The following TFRC variants were observed in gnomAD, a reference collection of about 807,000 sequenced individuals.
The protein encoded by TFRC is transferrin receptor protein 1.
A neutral mutation model predicts 85.8 loss-of-function variants in TFRC; 35 were observed. The ratio of observed to expected loss-of-function variants is 0.41; its 90% CI spans 0.31 to 0.54. The LOEUF (loss-of-function observed/expected upper bound fraction) is 0.54. Ranked by LOEUF, TFRC falls within the 20% of genes least tolerant of loss-of-function variation. The pLI is 0.31. For missense variants in TFRC, 828 were observed against 921.5 expected (o/e 0.90, Z 1.31); for synonymous variants, 362 against 328.6 (o/e 1.10, Z -1.10).
intron 10 of TFRC, among the ~76,000 whole-genome samples, 197 bp from the exon 11 acceptor site, chr3:196,064,625 C>T (rs1399490740): frequency 1.3e-5 from 2 of 152,206 alleles, no homozygotes; most frequent in Non-Finnish European, 2.9e-5. Context: ...AGTAGAGCTA[C>T]TTTTTTCCTA....
At chr3:196,070,459 T>C (rs889024952) in intron 6 of TFRC, among the ~76,000 whole-genome samples, 4 of 152,070 alleles carry the variant, frequency 2.6e-5, no homozygotes, top group Non-Finnish European at 4.4e-5. Context: ...GAGTTCACCA[T>C]GTTGGCCAGG....
chr3:196,071,356 C>G, intron 6 of TFRC, 40 bp downstream of exon 6: 2 of 1,514,206 alleles, frequency 1.3e-6, no homozygotes, highest in South Asian at 1.1e-5. Flanking sequence ...TTGAATGATT[C>G]AATAGGGAAG....
chr3:196,068,113 G>C lies in TFRC; in HGVS notation c.819C>G (p.Ser273Arg). Residue 273 changes from serine (S) to arginine (R), a missense_variant, in exon 8 of 19, where the codon AGC becomes AGG. Physicochemically the swap from Ser to Arg is moderately radical, Grantham distance 110. Coordinates refer to ENST00000360110, the MANE Select transcript of TFRC (RefSeq NM_001128148.3). ...TFAEKVANAE[S>R]LNAIGVLIYM... ...ATATCAACACACCAATTGCATTTAA[G>C]CTTTCAGCATTTGCAACCTAAAAGA... The C allele has an allele frequency of 6.2e-7, 1 of 1,611,968 alleles. No individual in the cohort carries two copies. Among genetic ancestry groups the C allele is most frequent in the Non-Finnish European group, 8.5e-7 (1 of 1,179,366 alleles).
chr3:196,049,537 G>C lies in TFRC; in HGVS notation c.*2405C>G, dbSNP rs1716119677. The C allele has an allele frequency of 4.5e-6, 1 of 220,890 alleles. No individual in the cohort carries two copies. The highest frequency in any genetic ancestry group is 1.8e-4 in the South Asian group (1 of 5,438). 13.7% of individuals were successfully genotyped at this position (220,890 alleles called of 1,614,324 possible). On this transcript the variant is annotated 3_prime_UTR_variant, in exon 19 of 19. Coordinates refer to ENST00000360110, the MANE Select transcript of TFRC (RefSeq NM_001128148.3). Reference sequence around the variant, plus strand: ...GAAGACATCTCAAGACCAGGAGCTTGTCACTAGTCTGATATTTCATTCAGG... The same window carrying C: ...GAAGACATCTCAAGACCAGGAGCTTCTCACTAGTCTGATATTTCATTCAGG...
chr3:196,071,395 C>G lies in TFRC; in HGVS notation c.687+1G>C, dbSNP rs1466712722. The G allele has an allele frequency of 6.2e-7, 1 of 1,612,492 alleles. No individual in the cohort carries two copies. The highest frequency in any genetic ancestry group is 1.7e-5 in the Admixed American group (1 of 59,986). ...CTCATGCACTGTTTTGCTTTACTTA[C>G]AGTAACTGTTGCAGCCTTACTATAC... On this transcript the variant is annotated splice_donor_variant, in intron 6 of 18. Transcript: ENST00000360110. LOFTEE classifies it high-confidence loss of function.
rs1470714570 is a variant in TFRC at position 196,055,073 on chromosome 3, T to C, written c.1899+7A>G. 3.7e-6 allele frequency: 6 copies of C among 1,613,226 alleles called. No individual in the cohort carries two copies. The African/African-American group carries it at 4.0e-5, about 11-fold the overall frequency. On this transcript the variant is annotated splice_region_variant and intron_variant, in intron 17 of 18. Transcript: ENST00000360110. ...AAAATAAAAACGTAATTGGAATCAGTGCTCACCTTTATGTCTGCTCTGTAT... is the reference window on the plus strand; with the variant it reads ...AAAATAAAAACGTAATTGGAATCAGCGCTCACCTTTATGTCTGCTCTGTAT...
chr3:196,056,233 G>A (rs1290791663), intron 16 of TFRC, among the ~76,000 whole-genome samples: 4 of 152,148 alleles, frequency 2.6e-5, no homozygotes, highest in East Asian at 1.9e-4. Flanking sequence ...GTCTAGGCAC[G>A]TTACCCAGGC....
At chr3:196,081,762 G>A (rs1341345664) in intron 1 of TFRC, 5 of 141,004 alleles carry the variant, frequency 3.5e-5, no homozygotes, top group South Asian at 4.1e-4. Context: ...AGAGAGAAGG[G>A]AAGGGACGAG....
At chr3:196,061,955 G>A (rs1230054427) in intron 13 of TFRC, among the ~76,000 whole-genome samples, 1 of 152,172 alleles carries the variant, frequency 6.6e-6, no homozygotes, top group Non-Finnish European at 1.5e-5. Context: ...TAACTTGACA[G>A]ACTATTTAAA....
Position 196,050,484 on chromosome 3 carries a change from C to T in TFRC, c.*1458G>A, listed in dbSNP as rs1716222497. ...AGAAAATTATGGGAAACACTGTTCC[C>T]GATAATTACTTACACCCTTAGTGTA... On this transcript the variant is annotated 3_prime_UTR_variant, in exon 19 of 19. Coordinates refer to ENST00000360110, the MANE Select transcript of TFRC (RefSeq NM_001128148.3). The T allele has an allele frequency of 4.9e-6, 1 of 203,890 alleles. No homozygotes were observed. The highest frequency in any genetic ancestry group is 2.3e-5 in the African/African-American group (1 of 43,664). The allele number at this position is 203,890 out of a possible 1,614,324, so 12.6% of individuals were successfully genotyped here. A position where few individuals can be genotyped will look rare whatever the true frequency, so the allele number is the denominator to read the frequency against.
chr3:196,073,494 TAG>T (rs1376759843), intron 4 of TFRC, among the ~76,000 whole-genome samples: 1 of 151,992 alleles, frequency 6.6e-6, no homozygotes, highest in African/African-American at 2.4e-5. Flanking sequence ...TAAGAAGCAC[TAG>T]AGACTTAAGG....
chr3:196,053,858 G>A (rs940419506), intron 17 of TFRC, among the ~76,000 whole-genome samples: 4 of 152,192 alleles, frequency 2.6e-5, no homozygotes, highest in African/African-American at 9.7e-5. Flanking sequence ...CCCTATAGGG[G>A]AAAACATTTT....
rs780427389 is a variant in TFRC, at chr3:196,062,607, A to G, written c.1443T>C (p.Tyr481=). 4 of 1,609,696 alleles carry G rather than the reference A, an allele frequency of 2.5e-6. No individual in the cohort carries two copies. Among genetic ancestry groups the G allele is most frequent in the Admixed American group, 1.7e-5 (1 of 58,468 alleles). Residue 481 remains tyrosine (Y), a synonymous_variant, in exon 13 of 19, where the codon TAT becomes TAC. Coordinates refer to ENST00000360110, the MANE Select transcript of TFRC (RefSeq NM_001128148.3). ...CAAGAACCGCTTTATCCAGATTAAT[A>G]TAAGTGAAAGCCTTTAAATGCAGGG... ...LSSLHLKAFT[Y]INLDKAVLGT... is the part of the protein sequence containing the mutation.
At chr3:196,054,929 G>T (rs576973375) in intron 17 of TFRC, 151 bp downstream of exon 17, 2 of 793,256 alleles carry the variant, frequency 2.5e-6, no homozygotes, top group Non-Finnish European at 4.1e-6. Flanking sequence ...TCTCAAACAA[G>T]TTACCAATTC....
chr3:196,080,851 G>A (rs1220755053), intron 1 of TFRC, among the ~76,000 whole-genome samples: 2 of 151,846 alleles, frequency 1.3e-5, no homozygotes, highest in Non-Finnish European at 2.9e-5. Flanking sequence ...GGGGCGGGGG[G>A]AACCAGCAGG....
chr3:196,055,144 T>A lies in TFRC; in HGVS notation c.1835A>T (p.Glu612Val). The A allele has an allele frequency of 1.2e-6, 2 of 1,614,244 alleles. No individual in the cohort carries two copies. Among genetic ancestry groups the A allele is most frequent in the Non-Finnish European group, 1.7e-6 (2 of 1,180,044 alleles). Residue 612 changes from glutamate (E) to valine (V), a missense_variant, in exon 17 of 19, where the codon GAG becomes GTG. Coordinates refer to ENST00000360110, the MANE Select transcript of TFRC (RefSeq NM_001128148.3). ...TGAAAGCAGTTGGCTGTTGTACCTC[T>A]CATAGTCCAGGTTCAATTCAACATC... ...THDVELNLDY[E>V]RYNSQLLSFV... is the part of the protein sequence containing the mutation.
At chr3:196,081,006 G>A (rs1336798487) in intron 1 of TFRC, among the ~76,000 whole-genome samples, 1 of 152,102 alleles carries the variant, frequency 6.6e-6, no homozygotes, top group Non-Finnish European at 1.5e-5. Flanking sequence ...CAGTCCCCCG[G>A]GTAAGTGAGG....
intron 9 of TFRC, 118 bp from the exon 10 acceptor site, chr3:196,065,718 G>A (rs897010783): frequency 7.4e-5 from 85 of 1,146,578 alleles, no homozygotes; most frequent in Middle Eastern, 2.7e-4. Context: ...TCAGCCCGGC[G>A]AAGTGGCTCA....
intron 17 of TFRC, among the ~76,000 whole-genome samples, chr3:196,054,098 C>T (rs994355795): frequency 4.3e-4 from 66 of 152,124 alleles, no homozygotes; most frequent in African/African-American, 1.5e-3. Context: ...ATTAGCCGGG[C>T]GTGGTGGCCG....
Sources: allele counts gnomAD v4.1 joint callset (sites outside exome capture counted in the v4.1 genomes callset), GRCh38; gene constraint gnomAD v4.1.1; transcripts MANE v1.5; gene names NCBI Gene and HGNC (gene_info 2026-07-23, HGNC 2026-07-21).